Variants in ABL1 observed in about 807,000 individuals in gnomAD.
ABL1 encodes tyrosine-protein kinase ABL1.
ABL1 carries 11 observed loss-of-function variants against 94.7 expected under a neutral mutation model. The observed-to-expected ratio is 0.12, with a 90% CI of 0.07 to 0.19. The LOEUF (loss-of-function observed/expected upper bound fraction) is 0.19, where lower values mean the gene tolerates loss of function less well. ABL1 is among the 10% of genes least tolerant of loss of function. The pLI is 1.00. For missense variants in ABL1, 1,082 were observed against 1,489.4 expected, an observed-to-expected ratio of 0.73 and a Z score of 4.50; for synonymous variants, 656 against 622.4, an observed-to-expected ratio of 1.05 and a Z score of -0.80.
chr9:130,823,944 C>G (rs1349221520), intron 1 of ABL1, among the ~76,000 whole-genome samples: 1 of 152,048 alleles, frequency 6.6e-6, no homozygotes, highest in East Asian at 1.9e-4. Flanking sequence ...AATTGTTGGC[C>G]TAAGTGTTAT....
chr9:130,770,055 C>T (rs570979119), intron 1 of ABL1, among the ~76,000 whole-genome samples: 43 of 152,130 alleles, frequency 2.8e-4, no homozygotes, highest in Non-Finnish European at 5.6e-4. Flanking sequence ...TATTCTCTTG[C>T]ATAGATGTAC....
chr9:130,828,905 A>C (rs1052248500), intron 1 of ABL1, among the ~76,000 whole-genome samples: 2 of 152,196 alleles, frequency 1.3e-5, no homozygotes, highest in African/African-American at 2.4e-5. Flanking sequence ...AATTATATAA[A>C]TCTCTGGATT....
chr9:130,786,946 T>C (rs1263694073), intron 1 of ABL1, among the ~76,000 whole-genome samples: 2 of 152,202 alleles, frequency 1.3e-5, no homozygotes, highest in East Asian at 1.9e-4. Context: ...ATTTCTGTGA[T>C]TTCTTTTTGT....
chr9:130,862,738 G>A lies in ABL1; in HGVS notation c.550-25G>A. 6.2e-7 allele frequency: 1 copy of A among 1,607,210 alleles called. No individual in the cohort carries two copies. Among genetic ancestry groups the A allele is most frequent in the Non-Finnish European group, 8.5e-7 (1 of 1,176,802 alleles). On this transcript the variant is annotated intron_variant, in intron 3 of 10. Transcript: ENST00000318560. The surrounding 1 kb of genome is among the most constrained non-coding windows in gnomAD (Gnocchi z 5.5). ...TTGAGCTTGCCTGTCTCTGTGGGCTGAAGGCTGTTCCCTGTTTCCTTCAGC... is the reference window on the plus strand; with the variant it reads ...TTGAGCTTGCCTGTCTCTGTGGGCTAAAGGCTGTTCCCTGTTTCCTTCAGC...
intron 1 of ABL1, among the ~76,000 whole-genome samples, chr9:130,823,514 G>A (rs1031514958): frequency 1.3e-5 from 2 of 152,218 alleles, no homozygotes; most frequent in East Asian, 3.9e-4. Flanking sequence ...GGTCCTGGAG[G>A]GGCACGATGG....
intron 1 of ABL1, among the ~76,000 whole-genome samples, chr9:130,808,241 CTTCTTCTT>C (rs1403914432): frequency 7.6e-5 from 9 of 118,006 alleles, no homozygotes; most frequent in Non-Finnish European, 1.4e-4. Context: ...TCTTCTTCTT[CTTCTTCTT>C]TTTTTTTTTT....
At chr9:130,767,061 A>T (rs1213126749) in intron 1 of ABL1, among the ~76,000 whole-genome samples, 1 of 151,688 alleles carries the variant, frequency 6.6e-6, no homozygotes, top group Non-Finnish European at 1.5e-5. Context: ...CCTGCCCTTC[A>T]CTCAGCTTCT....
intron 1 of ABL1, among the ~76,000 whole-genome samples, chr9:130,725,840 T>TGTTTTTTG (rs1564269516): frequency 5.1e-5 from 5 of 97,528 alleles, no homozygotes; most frequent in African/African-American, 2.8e-4. Context: ...TTTTTTTTTT[T>TGTTTTTTG]TTTTTTTTTT....
At chr9:130,762,033 C>T (rs1045663979) in intron 1 of ABL1, among the ~76,000 whole-genome samples, 4 of 151,750 alleles carry the variant, frequency 2.6e-5, no homozygotes, top group African/African-American at 9.7e-5. Context: ...ATCCCAGCTA[C>T]TTGGGAGGCT....
chr9:130,781,707 A>G (rs1829758393), intron 1 of ABL1, among the ~76,000 whole-genome samples: 1 of 152,190 alleles, frequency 6.6e-6, no homozygotes, highest in African/African-American at 2.4e-5. Context: ...AGTGTGTACT[A>G]AAAGTATATT....
chr9:130,877,836 T>G (rs893560722), intron 7 of ABL1, among the ~76,000 whole-genome samples: 3 of 146,834 alleles, frequency 2.0e-5, no homozygotes, highest in African/African-American at 7.8e-5. Context: ...AGATGGAGTC[T>G]CGCTCTGTCA....
chr9:130,739,394 T>G (rs1831787484), intron 1 of ABL1, among the ~76,000 whole-genome samples: 1 of 152,132 alleles, frequency 6.6e-6, no homozygotes, highest in South Asian at 2.1e-4. Context: ...TTAAAAAAGT[T>G]TAATTGAGAT....
At chr9:130,726,996 T>G (rs1402625180) in intron 1 of ABL1, among the ~76,000 whole-genome samples, 1 of 152,250 alleles carries the variant, frequency 6.6e-6, no homozygotes, top group Non-Finnish European at 1.5e-5. Context: ...GTTTCTAATT[T>G]AATTTCATTG....
chr9:130,717,408 A>G (rs912437296), intron 1 of ABL1, among the ~76,000 whole-genome samples: 3 of 152,154 alleles, frequency 2.0e-5, no homozygotes, highest in African/African-American at 4.8e-5. Flanking sequence ...GATCCATTCA[A>G]AGTGCAAAAT....
chr9:130,757,707 T>G (rs575077963), intron 1 of ABL1, among the ~76,000 whole-genome samples: 21 of 151,544 alleles, frequency 1.4e-4, no homozygotes, highest in Admixed American at 5.9e-4. Context: ...CCCGGCTAAT[T>G]TTTTTTGTAT....
chr9:130,835,989 A>G lies in ABL1; in HGVS notation c.79+464A>G, dbSNP rs893138728. 2.0e-5 allele frequency among the ~76,000 whole-genome samples: 3 copies of G among 152,242 alleles called. No individual in the cohort carries two copies. The highest frequency in any genetic ancestry group is 4.8e-5 in the African/African-American group (2 of 41,476). ...CACCGTTAATTGGGACTGTGTGTTA[A>G]AAAGATCGACCCGTGTTTGTGAAAA... On this transcript the variant is annotated intron_variant, in intron 1 of 10. Transcript: ENST00000318560. The surrounding 1 kb of genome is among the most constrained non-coding windows in gnomAD (Gnocchi z 4.6).
intron 1 of ABL1, among the ~76,000 whole-genome samples, chr9:130,774,874 G>A (rs1832293857): frequency 6.6e-6 from 1 of 151,884 alleles, no homozygotes; most frequent in African/African-American, 2.4e-5. Context: ...GTTAGAAAGT[G>A]GGGGAGGGAG....
intron 4 of ABL1, among the ~76,000 whole-genome samples, chr9:130,870,321 C>T (rs1316666518): frequency 6.6e-6 from 1 of 152,198 alleles, no homozygotes; most frequent in Admixed American, 6.5e-5. Flanking sequence ...AAGATTATTA[C>T]ATGGGTCTTT....
At chr9:130,810,680 G>T (rs1830197588) in intron 1 of ABL1, among the ~76,000 whole-genome samples, 1 of 151,742 alleles carries the variant, frequency 6.6e-6, no homozygotes, top group African/African-American at 2.4e-5. Context: ...GACAACATCA[G>T]GTAGCCAAAT....
Sources: gnomAD v4.1 joint callset for allele counts (sites outside exome capture counted in the v4.1 genomes callset) on GRCh38, gnomAD v4.1.1 for gene constraint, Gnocchi (gnomAD v3.1) non-coding constraint, MANE v1.5 for transcripts, NCBI Gene and HGNC (gene_info 2026-07-23, HGNC 2026-07-21) for gene names.